Variants in FNDC3A observed in about 807,000 individuals in gnomAD.
FNDC3A encodes the protein fibronectin type III domain containing 3A, also known as fibronectin type-III domain-containing protein 3A.
FNDC3A carries 32 observed loss-of-function variants against 148.9 expected under a neutral mutation model. The ratio of observed to expected loss-of-function variants is 0.21; its 90% CI spans 0.16 to 0.29. The LOEUF is 0.29. FNDC3A is among the 10% of genes least tolerant of loss of function. The probability of loss-of-function intolerance (pLI) is 1.00; values close to 1 mark genes in which losing one functional copy is unlikely to be tolerated. For missense variants in FNDC3A, 1,191 were observed against 1,452.8 expected (o/e 0.82, Z 2.93); for synonymous variants, 472 against 473.6 (o/e 1.00, Z 0.04).
intron 2 of FNDC3A, among the ~76,000 whole-genome samples, chr13:49,028,667 G>GAGA (rs1873900396): frequency 6.6e-6 from 1 of 152,232 alleles, no homozygotes; most frequent in African/African-American, 2.4e-5. Flanking sequence ...AAAGTTACTA[G>GAGA]AGACAAAGAA....
intron 2 of FNDC3A, among the ~76,000 whole-genome samples, chr13:49,058,608 T>G (rs1194236589): frequency 6.6e-6 from 1 of 152,150 alleles, no homozygotes; most frequent in Non-Finnish European, 1.5e-5. Flanking sequence ...CGGTCTTCCG[T>G]AAGCCAAACA....
At chr13:49,029,478 A>G (rs1014206434) in intron 2 of FNDC3A, among the ~76,000 whole-genome samples, 28 of 152,234 alleles carry the variant, frequency 1.8e-4, no homozygotes, top group African/African-American at 6.8e-4. Context: ...GAAAGCTCTC[A>G]AATCAATTAT....
intron 2 of FNDC3A, among the ~76,000 whole-genome samples, chr13:49,051,214 T>G (rs968269424): frequency 6.6e-6 from 1 of 152,082 alleles, no homozygotes. Context: ...ATATCTTGGG[T>G]TTTTGTTTTG....
At chr13:49,009,284 G>A (rs545908369) in intron 2 of FNDC3A, among the ~76,000 whole-genome samples, 2 of 152,162 alleles carry the variant, frequency 1.3e-5, no homozygotes, top group African/African-American at 4.8e-5. Flanking sequence ...TTCTTTCCAC[G>A]GCTTAATAGC....
intron 1 of FNDC3A, among the ~76,000 whole-genome samples, chr13:48,984,825 C>T (rs1463274789): frequency 6.6e-6 from 1 of 152,102 alleles, no homozygotes; most frequent in Non-Finnish European, 1.5e-5. Flanking sequence ...GCTGGGATTA[C>T]AGGTGCCCAC....
chr13:49,045,716 AT>A, intron 2 of FNDC3A: 1 of 1,122,826 alleles, frequency 8.9e-7, no homozygotes, highest in Non-Finnish European at 1.3e-6. Context: ...GGACCTCTTG[AT>A]TTTCAAAAAC....
chr13:49,206,939 A>G (rs1886675950), intron 25 of FNDC3A, 142 bp from the exon 26 acceptor site: 2 of 635,160 alleles, frequency 3.1e-6, no homozygotes, highest in South Asian at 3.9e-5. Context: ...ATGGACAGGT[A>G]TTTTTAACAT....
At chr13:49,111,758 A>G (rs1880593700) in intron 3 of FNDC3A, among the ~76,000 whole-genome samples, 1 of 151,882 alleles carries the variant, frequency 6.6e-6, no homozygotes, top group Non-Finnish European at 1.5e-5. Context: ...ACCATGTACA[A>G]TTTCTGCCTC....
intron 2 of FNDC3A, among the ~76,000 whole-genome samples, chr13:49,049,868 T>C (rs1875706963): frequency 6.6e-6 from 1 of 152,078 alleles, no homozygotes; most frequent in Non-Finnish European, 1.5e-5. Flanking sequence ...TACAGGCATG[T>C]GCCACTATGC....
At chr13:49,026,819 C>T (rs1873748516) in intron 2 of FNDC3A, among the ~76,000 whole-genome samples, 2 of 151,974 alleles carry the variant, frequency 1.3e-5, no homozygotes, top group South Asian at 4.1e-4. Context: ...TATAAGTAGC[C>T]AATAAAGTTT....
At chr13:49,068,355 C>A (rs1653569353) in intron 2 of FNDC3A, among the ~76,000 whole-genome samples, 1 of 151,500 alleles carries the variant, frequency 6.6e-6, no homozygotes. Flanking sequence ...CAGAGTGAGA[C>A]CCGTCTATAA....
At chr13:49,037,335 A>G (rs1023713971) in intron 2 of FNDC3A, among the ~76,000 whole-genome samples, 3 of 152,186 alleles carry the variant, frequency 2.0e-5, no homozygotes, top group Non-Finnish European at 4.4e-5. Context: ...GCCTTTAACC[A>G]TGGGTTGGAG....
chr13:48,975,646 A>G (rs1951583990), upstream of FNDC3A: 1 of 152,200 alleles, frequency 6.6e-6, no homozygotes, highest in African/African-American at 2.4e-5. Context: ...TCCTGAGTGT[A>G]GCTCCGAGCC....
rs142346832 is a variant in FNDC3A at position 49,170,851 on chromosome 13, C to A, written c.1177-1192C>A. Among the ~76,000 whole-genome samples the A allele has an allele frequency of 2.4e-4, 36 of 152,172 alleles. No individual in the cohort carries two copies. The East Asian group carries it at 5.2e-3, about 22-fold the overall frequency. On this transcript the variant is annotated intron_variant, in intron 10 of 25. Coordinates refer to ENST00000492622, the MANE Select transcript of FNDC3A (RefSeq NM_001079673.2). ...TAGGTTAAGGTGGACATTTTAATAG[C>A]CTCACTGGAAAAAGAGAAAAATTAA... is the stretch of plus-strand genomic sequence containing the variant.
At chr13:49,001,794 A>C (rs896028028) in intron 1 of FNDC3A, among the ~76,000 whole-genome samples, 22 of 152,212 alleles carry the variant, frequency 1.4e-4, no homozygotes, top group African/African-American at 4.8e-4. Flanking sequence ...TATCAATGAC[A>C]GTGCGTGCCC....
At chr13:49,127,231 G>C (rs1299004150) in intron 4 of FNDC3A, among the ~76,000 whole-genome samples, 1 of 152,170 alleles carries the variant, frequency 6.6e-6, no homozygotes, top group Non-Finnish European at 1.5e-5. Context: ...TTCTCTGCTA[G>C]ATTATTTTCA....
At chr13:49,095,319 A>C (rs1879452451) in intron 3 of FNDC3A, 1 of 151,990 alleles carries the variant, frequency 6.6e-6, no homozygotes. Flanking sequence ...GGAAGAAAAG[A>C]AATGTCTAAA....
At chr13:49,112,780 T>C (rs1031535586) in intron 3 of FNDC3A, among the ~76,000 whole-genome samples, 4 of 152,118 alleles carry the variant, frequency 2.6e-5, no homozygotes, top group Admixed American at 2.0e-4. Flanking sequence ...GATATTTACC[T>C]GATAGAATGA....
chr13:49,158,794 G>A (rs1214187178), intron 8 of FNDC3A, among the ~76,000 whole-genome samples: 1 of 152,166 alleles, frequency 6.6e-6, no homozygotes, highest in Non-Finnish European at 1.5e-5. Context: ...ATTAATTTTT[G>A]TATAAGGTGT....
Sources: allele counts gnomAD v4.1 joint callset (sites outside exome capture counted in the v4.1 genomes callset), GRCh38; gene constraint gnomAD v4.1.1; transcripts MANE v1.5; gene names NCBI Gene and HGNC (gene_info 2026-07-23, HGNC 2026-07-21).